Variants in ANO2 observed in about 807,000 individuals in gnomAD.
ANO2 encodes the protein anoctamin 2.
In ANO2, 101 loss-of-function variants were observed where a neutral mutation model predicts 124.2. The observed-to-expected ratio is 0.81, with a 90% CI of 0.69 to 0.96. The LOEUF (loss-of-function observed/expected upper bound fraction) is 0.96, where lower values mean the gene tolerates loss of function less well. ANO2 is among the 40% of genes least tolerant of loss of function. The probability of loss-of-function intolerance (pLI) is 0.00; values close to 1 mark genes in which losing one functional copy is unlikely to be tolerated. For missense variants in ANO2, 1,293 were observed against 1,274.5 expected, an observed-to-expected ratio of 1.01 and a Z score of -0.22; for synonymous variants, 486 against 482.5, an observed-to-expected ratio of 1.01 and a Z score of -0.09.
At chr12:5,603,983 A>C (rs1299545094) in intron 19 of ANO2, among the ~76,000 whole-genome samples, 3 of 148,588 alleles carry the variant, frequency 2.0e-5, no homozygotes, top group African/African-American at 4.9e-5. Context: ...ATGAAAGGTA[A>C]GTCTTGAAAG....
At chr12:5,875,632 C>T (rs970544953) in intron 3 of ANO2, among the ~76,000 whole-genome samples, 1 of 152,206 alleles carries the variant, frequency 6.6e-6, no homozygotes, top group African/African-American at 2.4e-5. Flanking sequence ...CATCATGCTG[C>T]ACCGGTGACG....
intron 20 of ANO2, among the ~76,000 whole-genome samples, chr12:5,599,203 T>C (rs957489855): frequency 3.3e-5 from 5 of 152,208 alleles, no homozygotes; most frequent in African/African-American, 1.2e-4. Flanking sequence ...AACTTTAGTT[T>C]ATAGATGAGG....
At chr12:5,643,595 T>A (rs1297112131) in intron 15 of ANO2, among the ~76,000 whole-genome samples, 1 of 152,230 alleles carries the variant, frequency 6.6e-6, no homozygotes, top group Non-Finnish European at 1.5e-5. Context: ...CCCCAGGATA[T>A]ATGTACTTTC....
chr12:5,863,407 C>T (rs1565732135), intron 3 of ANO2, among the ~76,000 whole-genome samples: 1 of 152,184 alleles, frequency 6.6e-6, no homozygotes, highest in Non-Finnish European at 1.5e-5. Flanking sequence ...CCCGGGAAGG[C>T]CATGGGTTCT....
At chr12:5,877,679 C>A (rs940191437) in intron 3 of ANO2, among the ~76,000 whole-genome samples, 3 of 152,212 alleles carry the variant, frequency 2.0e-5, no homozygotes, top group Admixed American at 2.0e-4. Flanking sequence ...GGTCCCCAAC[C>A]TTTTTGGCAC....
rs538435319 is a variant in ANO2 at position 5,843,555 on chromosome 12, A to AAAAAT, written c.633+10483_633+10487dup. The stretch of plus-strand genomic sequence containing the variant: ...ACAGAGCGAGATTCCATCTCAAAAA[A>AAAAAT]AAAATAAAATAAAATAAAATAAATA... On this transcript the variant is annotated intron_variant, in intron 4 of 24. Transcript: ENST00000682330. Among the ~76,000 whole-genome samples, 5 of 152,276 alleles carry AAAAAT rather than the reference A, an allele frequency of 3.3e-5. No homozygotes were observed. The South Asian group carries it at 1.0e-3, about 32-fold the overall frequency.
chr12:5,609,409 A>T (rs1275333081), intron 19 of ANO2, among the ~76,000 whole-genome samples: 1 of 152,156 alleles, frequency 6.6e-6, no homozygotes, highest in Middle Eastern at 3.2e-3. Flanking sequence ...AGGTCAGAAA[A>T]GCACCCTGCA....
intron 3 of ANO2, among the ~76,000 whole-genome samples, chr12:5,860,353 T>C (rs117908414): frequency 3.3e-5 from 5 of 152,278 alleles, no homozygotes; most frequent in Non-Finnish European, 5.9e-5. Context: ...AAGCATCTCA[T>C]ACCCTTCTTC....
chr12:5,914,009 C>G (rs188542551), intron 3 of ANO2, among the ~76,000 whole-genome samples: 14 of 152,062 alleles, frequency 9.2e-5, no homozygotes, highest in Non-Finnish European at 5.9e-5. Context: ...AGACCAGCCT[C>G]AGCAACATGG....
chr12:5,914,294 ACACC>A (rs752331105), intron 3 of ANO2, among the ~76,000 whole-genome samples: 18 of 152,050 alleles, frequency 1.2e-4, no homozygotes, highest in Non-Finnish European at 1.9e-4. Flanking sequence ...ACGATGTCAC[ACACC>A]CAAGATATCC....
At chr12:5,592,309 T>A (rs11611394) in intron 20 of ANO2, among the ~76,000 whole-genome samples, 2,471 of 152,088 alleles carry the variant, frequency 0.016, 29 homozygotes, top group Non-Finnish European at 0.027. Flanking sequence ...CACTCACATG[T>A]TTGAAAGGGT....
chr12:5,696,445 T>C lies in ANO2; in HGVS notation c.1545+36075A>G, dbSNP rs539066502. Among the ~76,000 whole-genome samples the C allele has an allele frequency of 3.9e-5, 6 of 152,038 alleles. No individual in the cohort carries two copies. In the South Asian group the frequency reaches 8.3e-4, roughly 21 times the overall value. On this transcript the variant is annotated intron_variant, in intron 14 of 24. Coordinates refer to ENST00000682330, the MANE Select transcript of ANO2 (RefSeq NM_001364791.2). Reference sequence around the variant, plus strand: ...TGGAATCAAGAAGAAAATGAAAACATGAATATAACAAAACCACTAAAAAAA... The same window carrying C: ...TGGAATCAAGAAGAAAATGAAAACACGAATATAACAAAACCACTAAAAAAA...
At chr12:5,695,848 T>C (rs1403945055) in intron 14 of ANO2, among the ~76,000 whole-genome samples, 1 of 152,106 alleles carries the variant, frequency 6.6e-6, no homozygotes, top group Non-Finnish European at 1.5e-5. Context: ...CTCTAATAAA[T>C]AAATTAATTA....
chr12:5,885,634 C>A (rs1938838640), intron 3 of ANO2, among the ~76,000 whole-genome samples: 1 of 152,144 alleles, frequency 6.6e-6, no homozygotes, highest in Admixed American at 6.5e-5. Flanking sequence ...TGAATCCAGG[C>A]AGTCCAAATC....
At chr12:5,599,732 A>G (rs533867866) in intron 19 of ANO2, 103 bp from the exon 20 acceptor site, 2 of 1,278,368 alleles carry the variant, frequency 1.6e-6, no homozygotes, top group African/African-American at 3.0e-5. Context: ...CACTAAAGCC[A>G]TCTCTGATCC....
At chr12:5,841,780 C>T (rs576913025) in intron 4 of ANO2, among the ~76,000 whole-genome samples, 1 of 152,234 alleles carries the variant, frequency 6.6e-6, no homozygotes, top group Non-Finnish European at 1.5e-5. Flanking sequence ...TCCTCTCCCC[C>T]ACTTTCATCT....
At position 5,633,082 on chromosome 12, in the gene ANO2, G is replaced by C. The variant is rs543148355; in HGVS notation, c.1816+2070C>G. On this transcript the variant is annotated intron_variant, in intron 16 of 24. Transcript: ENST00000682330. ...CTGGTGTTTCCTCCATGCGGTGGGA[G>C]TGTAATTAGTTGTAATGGCTCAGCT... is the stretch of plus-strand genomic sequence containing the variant. Among the ~76,000 whole-genome samples, 19 of 152,346 alleles carry C rather than the reference G, an allele frequency of 1.2e-4. No individual in the cohort carries two copies. In the South Asian group the frequency reaches 3.7e-3, roughly 30 times the overall value.
chr12:5,897,294 G>A (rs1374799503), intron 3 of ANO2, among the ~76,000 whole-genome samples: 1 of 152,046 alleles, frequency 6.6e-6, no homozygotes, highest in Non-Finnish European at 1.5e-5. Context: ...ATGTCCTACT[G>A]TGCTGAATAT....
chr12:5,853,461 T>C (rs1175275162), intron 4 of ANO2, among the ~76,000 whole-genome samples: 11 of 151,932 alleles, frequency 7.2e-5, no homozygotes, highest in African/African-American at 1.2e-4. Flanking sequence ...ACCAACCAAG[T>C]AGGTCAAATT....
Sources: gnomAD v4.1 joint callset for allele counts (sites outside exome capture counted in the v4.1 genomes callset) on GRCh38, gnomAD v4.1.1 for gene constraint, MANE v1.5 for transcripts, NCBI Gene and HGNC (gene_info 2026-07-23, HGNC 2026-07-21) for gene names.